SLC7A2: variants seen among roughly 807,000 people sequenced by gnomAD.
SLC7A2 encodes the protein solute carrier family 7 member 2, also known as cationic amino acid transporter 2.
SLC7A2 carries 48 observed loss-of-function variants against 58.9 expected under a neutral mutation model. The ratio of observed to expected loss-of-function variants is 0.82; its 90% CI spans 0.65 to 1.04. SLC7A2 has a LOEUF of 1.04. Ranked by LOEUF, SLC7A2 falls within the 50% of genes least tolerant of loss-of-function variation. SLC7A2 has a pLI of 0.00. For synonymous variants in SLC7A2, 363 were observed against 314.5 expected (o/e 1.15, Z -1.63); for missense variants, 1,029 against 818.8 (o/e 1.26, Z -3.13).
Position 17,550,292 on chromosome 8 carries a change from C to A in SLC7A2, c.699-9C>A. 6.2e-7 allele frequency: 1 copy of A among 1,612,900 alleles called. No individual in the cohort carries two copies. The highest frequency in any genetic ancestry group is 8.5e-7 in the Non-Finnish European group (1 of 1,179,512). ...AGTGACTTTCCAATGTGTTTGTTCT[C>A]TTTCTTAGAGAGCCACCTTCTGAAA... On this transcript the variant is annotated splice_polypyrimidine_tract_variant and intron_variant, in intron 5 of 12. Coordinates refer to ENST00000494857, the MANE Select transcript of SLC7A2 (RefSeq NM_001370338.1).
In SLC7A2 at chr8:17,566,561, G is replaced by C. The variant is rs183910483; in HGVS notation, c.*1415G>C. 6.6e-6 allele frequency: 1 copy of C among 152,018 alleles called. No individual in the cohort carries two copies. The allele number at this position is 152,018 out of a possible 1,614,324, so 9.4% of individuals were successfully genotyped here. The stretch of plus-strand genomic sequence containing the variant: ...TTATACAATAACCCATCAGTGATTG[G>C]GGAATCAAACATTTTGGTTTAAAAA... On this transcript the variant is annotated 3_prime_UTR_variant, in exon 13 of 13. Transcript: ENST00000494857.
At chr8:17,518,040 A>T (rs2097584) in intron 2 of SLC7A2, among the ~76,000 whole-genome samples, 33,307 of 152,012 alleles carry the variant, frequency 0.22, 4,049 homozygotes, top group African/African-American at 0.32. Context: ...AAATAAAGTA[A>T]GTCAAGAGCC....
At chr8:17,497,027 C>G (rs921681223), upstream of SLC7A2, 2 of 150,388 alleles carry the variant, frequency 1.3e-5, no homozygotes, top group African/African-American at 2.4e-5. Context: ...CGGTGCCGCC[C>G]GGCCCCGCGC....
chr8:17,516,233 A>ATT (rs11376359), intron 2 of SLC7A2, among the ~76,000 whole-genome samples: 1 of 150,334 alleles, frequency 6.7e-6, no homozygotes, highest in Admixed American at 6.6e-5. Context: ...TAATTAATTA[A>ATT]TTTTTTTTTT....
chr8:17,528,183 A>T (rs1324734991), intron 2 of SLC7A2, among the ~76,000 whole-genome samples: 2 of 152,196 alleles, frequency 1.3e-5, no homozygotes, highest in Non-Finnish European at 2.9e-5. Flanking sequence ...AGGGAGGAGC[A>T]GACCCAGCAG....
At position 17,570,223 on chromosome 8, in the gene SLC7A2, A is replaced by G. The variant is rs187215179; in HGVS notation, c.*5077A>G. 6.6e-6 allele frequency: 1 copy of G among 152,280 alleles called. No individual in the cohort carries two copies. Among genetic ancestry groups the G allele is most frequent in the East Asian group, 1.9e-4 (1 of 5,176 alleles). The allele number at this position is 152,280 out of a possible 1,614,324, so 9.4% of individuals were successfully genotyped here. On this transcript the variant is annotated 3_prime_UTR_variant, in exon 13 of 13. Coordinates refer to ENST00000494857, the MANE Select transcript of SLC7A2 (RefSeq NM_001370338.1). ...GTTGGGTTTCTCTGGCCTACACCTG[A>G]TTAATGGGCCCTTTATCTTTGGTGT...
At chr8:17,512,319 G>T (rs67218051) in intron 2 of SLC7A2, among the ~76,000 whole-genome samples, 37 of 151,968 alleles carry the variant, frequency 2.4e-4, no homozygotes, top group African/African-American at 8.2e-4. Flanking sequence ...GGCCAAGGAG[G>T]GTGGATCACC....
chr8:17,533,156 A>G (rs1801527710), intron 2 of SLC7A2, among the ~76,000 whole-genome samples: 2 of 152,148 alleles, frequency 1.3e-5, no homozygotes, highest in South Asian at 4.2e-4. Context: ...TTTTATTCAG[A>G]TTTATCTGAA....
chr8:17,552,718 C>G (rs532326718), intron 7 of SLC7A2, among the ~76,000 whole-genome samples: 1 of 152,282 alleles, frequency 6.6e-6, no homozygotes, highest in Admixed American at 6.5e-5. Flanking sequence ...TTCAGATTTT[C>G]AGTAGCTGCT....
At chr8:17,538,371 G>A (rs1243227688) in intron 2 of SLC7A2, among the ~76,000 whole-genome samples, 2 of 152,214 alleles carry the variant, frequency 1.3e-5, no homozygotes, top group African/African-American at 2.4e-5. Context: ...CCCAGTAAAA[G>A]TGAAGTGAAT....
At chr8:17,527,239 A>G (rs1011194503) in intron 2 of SLC7A2, among the ~76,000 whole-genome samples, 1 of 152,194 alleles carries the variant, frequency 6.6e-6, no homozygotes, top group South Asian at 2.1e-4. Context: ...GCAAAATGGA[A>G]CCAAGAGGAC....
chr8:17,529,604 C>T (rs1192749074), intron 2 of SLC7A2, among the ~76,000 whole-genome samples: 3 of 151,450 alleles, frequency 2.0e-5, no homozygotes, highest in Non-Finnish European at 4.4e-5. Context: ...GATCTTGGCC[C>T]ACTGCAACCT....
chr8:17,541,295 G>A (rs536733288), intron 2 of SLC7A2, among the ~76,000 whole-genome samples: 1 of 152,088 alleles, frequency 6.6e-6, no homozygotes, highest in Non-Finnish European at 1.5e-5. Context: ...ATGAGAAAGG[G>A]CTATTTAAGG....
intron 2 of SLC7A2, among the ~76,000 whole-genome samples, chr8:17,507,936 A>T (rs1166018582): frequency 6.6e-6 from 1 of 152,182 alleles, no homozygotes; most frequent in Non-Finnish European, 1.5e-5. Flanking sequence ...TTATGATATG[A>T]ACAAGTTTAT....
At position 17,543,577 on chromosome 8, in the gene SLC7A2, G is replaced by T; in HGVS notation, c.238G>T (p.Val80Leu). ...VSFLIAALAS[V>L]MAGLCYAEFG... is the part of the protein sequence containing the mutation. ...CTTCCTCATTGCTGCCCTGGCTTCAGTGATGGCTGGCCTCTGCTATGCCGA... is the reference window on the plus strand; with the variant it reads ...CTTCCTCATTGCTGCCCTGGCTTCATTGATGGCTGGCCTCTGCTATGCCGA... The change falls in exon 3 of 13, where the codon GTG becomes TTG. Residue 80 changes from valine (V) to leucine (L), a missense_variant. Coordinates refer to ENST00000494857, the MANE Select transcript of SLC7A2 (RefSeq NM_001370338.1). The T allele has an allele frequency of 6.2e-7, 1 of 1,611,066 alleles. No homozygotes were observed. The highest frequency in any genetic ancestry group is 1.3e-5 in the African/African-American group (1 of 74,968).
chr8:17,547,831 A>AT (rs946471807), intron 4 of SLC7A2, among the ~76,000 whole-genome samples: 4 of 130,768 alleles, frequency 3.1e-5, no homozygotes, highest in Non-Finnish European at 5.5e-5. Flanking sequence ...TGTTTACAAA[A>AT]TTTGGGAGGG....
intron 2 of SLC7A2, among the ~76,000 whole-genome samples, chr8:17,519,930 G>A (rs962898770): frequency 6.6e-6 from 1 of 152,106 alleles, no homozygotes; most frequent in Non-Finnish European, 1.5e-5. Flanking sequence ...ATTCATTTTT[G>A]TTGTCTACCA....
chr8:17,542,290 A>C (rs1801945476), intron 2 of SLC7A2, among the ~76,000 whole-genome samples: 1 of 152,220 alleles, frequency 6.6e-6, no homozygotes, highest in South Asian at 2.1e-4. Flanking sequence ...GTAAGGCTAG[A>C]GACCCCATCT....
intron 1 of SLC7A2, chr8:17,499,036 T>C (rs1460360520): frequency 6.6e-6 from 1 of 152,196 alleles, no homozygotes; most frequent in Non-Finnish European, 1.5e-5. Context: ...CACTCACCTT[T>C]GCAGAGTGGA....
Sources: gnomAD v4.1 joint callset for allele counts (sites outside exome capture counted in the v4.1 genomes callset) on GRCh38, gnomAD v4.1.1 for gene constraint, MANE v1.5 for transcripts, NCBI Gene and HGNC (gene_info 2026-07-23, HGNC 2026-07-21) for gene names.